SELENOF: variants seen among roughly 807,000 people sequenced by gnomAD.
SELENOF encodes the protein 15 kDa selenoprotein.
SELENOF carries 16 observed loss-of-function variants against 20.5 expected under a neutral mutation model. That is an observed-to-expected ratio of 0.78 (90% CI 0.53 to 1.19). The LOEUF is 1.19. Among genes scored for constraint, SELENOF ranks in the 50% most tolerant of loss-of-function variants. The probability of loss-of-function intolerance (pLI) is 0.00; values close to 1 mark genes in which losing one functional copy is unlikely to be tolerated. For synonymous variants in SELENOF, 78 were observed against 74.5 expected (o/e 1.05, Z -0.24); for missense variants, 215 against 194.2 (o/e 1.11, Z -0.64).
intron 2 of SELENOF, among the ~76,000 whole-genome samples, chr1:86,885,367 A>G (rs1659186341): frequency 6.8e-6 from 1 of 147,912 alleles, no homozygotes; most frequent in Non-Finnish European, 1.5e-5. Flanking sequence ...AAATGTTCAA[A>G]AAGCTGGTCT....
intron 2 of SELENOF, among the ~76,000 whole-genome samples, chr1:86,898,103 C>T (rs1557467533): frequency 6.6e-6 from 1 of 152,182 alleles, no homozygotes; most frequent in Non-Finnish European, 1.5e-5. Flanking sequence ...TTTACATTTT[C>T]TTCAAGCTAC....
At chr1:86,912,699 C>T (rs968150210) in intron 1 of SELENOF, among the ~76,000 whole-genome samples, 3 of 152,108 alleles carry the variant, frequency 2.0e-5, no homozygotes, top group Admixed American at 1.3e-4. Flanking sequence ...CTGACAGCAC[C>T]AACTATAAAC....
chr1:86,896,267 A>C, intron 2 of SELENOF, among the ~76,000 whole-genome samples: 1 of 130,416 alleles, frequency 7.7e-6, no homozygotes, highest in African/African-American at 2.9e-5. Context: ...GGGGAGGGGG[A>C]GGGGCGGATA....
chr1:86,865,665 G>A (rs1336168189), intron 4 of SELENOF, among the ~76,000 whole-genome samples: 1 of 152,196 alleles, frequency 6.6e-6, no homozygotes, highest in Non-Finnish European at 1.5e-5. Context: ...CTTGTGCCCT[G>A]TTGGTGGGAC....
chr1:86,874,403 A>G (rs1469270166), intron 3 of SELENOF, among the ~76,000 whole-genome samples: 1 of 152,246 alleles, frequency 6.6e-6, no homozygotes, highest in Admixed American at 6.5e-5. Context: ...AACAGAAGTG[A>G]TTTAAAGACA....
chr1:86,872,323 C>T (rs1029127409), intron 3 of SELENOF, among the ~76,000 whole-genome samples: 2 of 152,106 alleles, frequency 1.3e-5, no homozygotes, highest in African/African-American at 4.8e-5. Context: ...ATTCCAAATA[C>T]ATTTCTAATA....
At chr1:86,873,879 A>C (rs1303868780) in intron 3 of SELENOF, among the ~76,000 whole-genome samples, 1 of 152,132 alleles carries the variant, frequency 6.6e-6, no homozygotes, top group East Asian at 1.9e-4. Flanking sequence ...AAATTATTTA[A>C]AACAGCCATG....
rs549699273 is a variant in SELENOF, at chr1:86,895,022, T to C, written c.252+8259A>G. ...TATAAAGTGGAAAATTTGTAGTATT[T>C]TCCTTTTTAAAATGTGTCAGTTGAA... is the stretch of plus-strand genomic sequence containing the variant. On this transcript the variant is annotated intron_variant, in intron 2 of 4. Coordinates refer to ENST00000331835, the MANE Select transcript of SELENOF (RefSeq NM_004261.5). Among the ~76,000 whole-genome samples, 11 of 152,348 alleles carry C rather than the reference T, an allele frequency of 7.2e-5. No homozygotes were observed. The East Asian group carries it at 2.1e-3, about 29-fold the overall frequency.
intron 2 of SELENOF, chr1:86,887,300 GGAGTGCTTT>G (rs1659245222): frequency 1.6e-6 from 2 of 1,279,230 alleles, no homozygotes; most frequent in African/African-American, 3.1e-5. Context: ...TACTCATCTT[GGAGTGCTTT>G]TTACTAAATT....
chr1:86,904,719 T>A (rs1659787892), intron 1 of SELENOF, among the ~76,000 whole-genome samples: 1 of 152,204 alleles, frequency 6.6e-6, no homozygotes, highest in Non-Finnish European at 1.5e-5. Flanking sequence ...TTTCTGCTCC[T>A]ACTACTCCAC....
intron 3 of SELENOF, among the ~76,000 whole-genome samples, chr1:86,874,051 TAA>T (rs796174744): frequency 6.9e-6 from 1 of 144,212 alleles, no homozygotes. Context: ...AATGAAAGCT[TAA>T]AAAAAAAAAG....
intron 2 of SELENOF, among the ~76,000 whole-genome samples, chr1:86,899,075 A>T (rs530851180): frequency 6.6e-6 from 1 of 151,820 alleles, no homozygotes; most frequent in Non-Finnish European, 1.5e-5. Context: ...GACACAGCAC[A>T]TGTTTCAGAG....
chr1:86,899,168 G>A (rs1235707016), intron 2 of SELENOF, among the ~76,000 whole-genome samples: 1 of 151,352 alleles, frequency 6.6e-6, no homozygotes, highest in African/African-American at 2.4e-5. Flanking sequence ...AAAATGAAAA[G>A]TCTCCCATGT....
At chr1:86,885,871 A>G (rs1659201296) in intron 2 of SELENOF, among the ~76,000 whole-genome samples, 1 of 152,182 alleles carries the variant, frequency 6.6e-6, no homozygotes, top group East Asian at 1.9e-4. Context: ...CAGAATTGCT[A>G]TAAGAAGTCA....
chr1:86,908,401 C>G (rs1659885350), intron 1 of SELENOF, among the ~76,000 whole-genome samples: 1 of 152,142 alleles, frequency 6.6e-6, no homozygotes, highest in Non-Finnish European at 1.5e-5. Context: ...CTAATCTAAA[C>G]CATCTTGTGA....
chr1:86,863,257 T>C lies in SELENOF; in HGVS notation c.*217A>G, dbSNP rs1283848082. On this transcript the variant is annotated 3_prime_UTR_variant, in exon 5 of 5. Transcript: ENST00000331835. ...GCATTTTGTTAGTGGTATCAACAAA[T>C]GCAGGAGGATGGACATTTATAAAAA... 7 of 410,696 alleles carry C rather than the reference T, an allele frequency of 1.7e-5. No homozygotes were observed. The highest frequency in any genetic ancestry group is 1.2e-4 in the African/African-American group (6 of 48,602). 25.4% of individuals were successfully genotyped at this position (410,696 alleles called of 1,614,324 possible). A position where few individuals can be genotyped will look rare whatever the true frequency, so the allele number is the denominator to read the frequency against.
intron 1 of SELENOF, among the ~76,000 whole-genome samples, chr1:86,908,987 T>C (rs1372662172): frequency 6.6e-6 from 1 of 152,002 alleles, no homozygotes; most frequent in Non-Finnish European, 1.5e-5. Context: ...TTCAGAGGAG[T>C]AGACAGTGAT....
At chr1:86,882,362 A>T (rs1659099364) in intron 2 of SELENOF, among the ~76,000 whole-genome samples, 1 of 151,978 alleles carries the variant, frequency 6.6e-6, no homozygotes, top group African/African-American at 2.4e-5. Context: ...ACTCCAGAAA[A>T]AAAATCTTGA....
rs1053275019 is a variant in SELENOF at position 86,875,026 on chromosome 1, G to A, written c.316+5636C>T. Among the ~76,000 whole-genome samples, 3 of 152,266 alleles carry A rather than the reference G, an allele frequency of 2.0e-5. No individual in the cohort carries two copies. In the South Asian group the frequency reaches 6.2e-4, roughly 32 times the overall value. ...AGATGGGCAGATCACCCGAGGTCAG[G>A]AGTTCCAGACCAGCATGGCCAACAT... On this transcript the variant is annotated intron_variant, in intron 3 of 4. Transcript: ENST00000331835.
Sources: gnomAD v4.1 joint callset for allele counts (sites outside exome capture counted in the v4.1 genomes callset) on GRCh38, gnomAD v4.1.1 for gene constraint, MANE v1.5 for transcripts, NCBI Gene and HGNC (gene_info 2026-07-23, HGNC 2026-07-21) for gene names.